The following PRKD1 variants were observed in gnomAD, a reference collection of about 807,000 sequenced individuals.
The protein encoded by PRKD1 is serine/threonine-protein kinase D1.
In PRKD1, 63 loss-of-function variants were observed where a neutral mutation model predicts 95.9. That is an observed-to-expected ratio of 0.66 (90% CI 0.54 to 0.81). PRKD1 has a LOEUF of 0.81. PRKD1 is among the 30% of genes least tolerant of loss of function. The probability of loss-of-function intolerance (pLI) is 0.00; values close to 1 mark genes in which losing one functional copy is unlikely to be tolerated. For synonymous variants in PRKD1, 425 were observed against 423.1 expected (o/e 1.00, Z -0.05); for missense variants, 1,048 against 1,165.3 (o/e 0.90, Z 1.47).
At chr14:29,641,898 CTTT>C (rs751584936) in intron 4 of PRKD1, among the ~76,000 whole-genome samples, 117 of 116,676 alleles carry the variant, frequency 1.0e-3, no homozygotes, top group African/African-American at 3.7e-3. Context: ...AAAAATATTT[CTTT>C]TTTTTTTTTT....
chr14:29,690,469 T>C (rs1465598621), intron 2 of PRKD1, among the ~76,000 whole-genome samples: 1 of 152,196 alleles, frequency 6.6e-6, no homozygotes, highest in East Asian at 1.9e-4. Context: ...TCTCCAAATA[T>C]TCAGTACCTA....
intron 1 of PRKD1, among the ~76,000 whole-genome samples, chr14:29,818,908 T>C (rs1890798584): frequency 6.6e-6 from 1 of 152,160 alleles, no homozygotes; most frequent in Non-Finnish European, 1.5e-5. Context: ...TAATAACCCA[T>C]TAGTACTTTA....
In PRKD1 at chr14:29,605,605, C is replaced by T. The variant is rs1267307258; in HGVS notation, c.1906-5788G>A. Reference sequence around the variant, plus strand: ...ATCCCCTTTCATAACACTTATCCTACCATATTTGGTTGTTGGTGAACCTAT... The same window carrying T: ...ATCCCCTTTCATAACACTTATCCTATCATATTTGGTTGTTGGTGAACCTAT... On this transcript the variant is annotated intron_variant, in intron 13 of 17. Transcript: ENST00000331968. Among the ~76,000 whole-genome samples, 3 of 152,158 alleles carry T rather than the reference C, an allele frequency of 2.0e-5. No individual in the cohort carries two copies. In the East Asian group the frequency reaches 5.8e-4, roughly 29 times the overall value.
At chr14:29,640,165 A>T (rs1880664990) in intron 4 of PRKD1, among the ~76,000 whole-genome samples, 2 of 152,314 alleles carry the variant, frequency 1.3e-5, no homozygotes, top group South Asian at 4.1e-4. Context: ...CTAAGCTCAT[A>T]AAGTTTAAAT....
At chr14:29,749,865 T>G (rs1448679308) in intron 1 of PRKD1, among the ~76,000 whole-genome samples, 2 of 152,258 alleles carry the variant, frequency 1.3e-5, no homozygotes, top group African/African-American at 4.8e-5. Context: ...ATGTGCAAGT[T>G]GCTTCAGAGA....
Position 29,599,693 on chromosome 14 carries a change from C to T in PRKD1, c.2030G>A (p.Arg677Lys), listed in dbSNP as rs747326327. 20 of 1,613,264 alleles carry T rather than the reference C, an allele frequency of 1.2e-5. No homozygotes were observed. The highest frequency in any genetic ancestry group is 1.6e-5 in the Non-Finnish European group (19 of 1,179,710). Residue 677 changes from arginine (R) to lysine (K), a missense_variant, in exon 14 of 18, where the codon AGG (arginine) becomes AAG (lysine). This residue lies in a region of PRKD1 where 739 missense variants were observed against 861.9 expected (regional missense o/e 0.86). Transcript: ENST00000331968. The stretch of plus-strand genomic sequence containing the variant: ...AAACTTCGTTATGTGCTCTGGCAAC[C>T]TGCCCTTTTCACTTGACAAGATCAT... ...LEMILSSEKG[R>K]LPEHITKFLI...
At chr14:29,584,300 T>C (rs1341644272) in intron 16 of PRKD1, among the ~76,000 whole-genome samples, 1 of 151,084 alleles carries the variant, frequency 6.6e-6, no homozygotes, top group African/African-American at 2.4e-5. Flanking sequence ...ATGCAGAAGG[T>C]AGATTTACAG....
chr14:29,757,989 T>G (rs923486268), intron 1 of PRKD1, among the ~76,000 whole-genome samples: 3 of 152,014 alleles, frequency 2.0e-5, no homozygotes, highest in African/African-American at 7.2e-5. Context: ...ACAGGAGGAA[T>G]AGCAGACATA....
Position 29,599,193 on chromosome 14 carries a change from A to G in PRKD1, c.2068-68T>C. ...TTCAAAATGTCTTCTACCAGTTAAAAGGCCAAGAAAAAAAACTGACAATGG... is the reference window on the plus strand; with the variant it reads ...TTCAAAATGTCTTCTACCAGTTAAAGGGCCAAGAAAAAAAACTGACAATGG... On this transcript the variant is annotated intron_variant, in intron 14 of 17. Transcript: ENST00000331968. The G allele has an allele frequency of 1.4e-6, 2 of 1,380,080 alleles. 1 individual carries two copies. Among genetic ancestry groups the G allele is most frequent in the Non-Finnish European group, 2.0e-6 (2 of 980,184 alleles). The allele number at this position is 1,380,080 out of a possible 1,614,324, so 85.5% of individuals were successfully genotyped here. A position where few individuals can be genotyped will look rare whatever the true frequency, so the allele number is the denominator to read the frequency against.
At chr14:29,758,230 T>C (rs760700753) in intron 1 of PRKD1, among the ~76,000 whole-genome samples, 14 of 149,332 alleles carry the variant, frequency 9.4e-5, no homozygotes, top group Non-Finnish European at 1.6e-4. Context: ...GAGTGTGCAT[T>C]GTGGAAGAAA....
At chr14:29,677,855 G>T (rs972428848) in intron 2 of PRKD1, among the ~76,000 whole-genome samples, 1 of 152,152 alleles carries the variant, frequency 6.6e-6, no homozygotes. Flanking sequence ...TTGTGCCACC[G>T]TGCCCAGCCC....
chr14:29,727,960 T>C (rs955437766), intron 1 of PRKD1, among the ~76,000 whole-genome samples: 4 of 146,800 alleles, frequency 2.7e-5, no homozygotes, highest in Non-Finnish European at 4.5e-5. Flanking sequence ...AATTGAACAA[T>C]GAGAATACAT....
chr14:29,889,706 A>C (rs562109775), intron 1 of PRKD1, among the ~76,000 whole-genome samples: 1 of 152,282 alleles, frequency 6.6e-6, no homozygotes, highest in South Asian at 2.1e-4. Context: ...ACATGAACAC[A>C]GGGAGGGGAA....
intron 2 of PRKD1, among the ~76,000 whole-genome samples, chr14:29,698,209 C>T (rs900361152): frequency 6.6e-6 from 1 of 152,104 alleles, no homozygotes; most frequent in Admixed American, 6.6e-5. Flanking sequence ...TGTTTATAAT[C>T]ACTATTATCT....
At chr14:29,706,700 TATG>T (rs1344337755) in intron 2 of PRKD1, among the ~76,000 whole-genome samples, 1 of 152,162 alleles carries the variant, frequency 6.6e-6, no homozygotes, top group Non-Finnish European at 1.5e-5. Context: ...CCAAAAATCC[TATG>T]ATATTATTGT....
At chr14:29,883,639 C>T (rs1893594192) in intron 1 of PRKD1, among the ~76,000 whole-genome samples, 1 of 152,120 alleles carries the variant, frequency 6.6e-6, no homozygotes, top group African/African-American at 2.4e-5. Flanking sequence ...GACTTGTTTA[C>T]TGATTTCTGA....
chr14:29,925,055 T>G (rs962084343), intron 1 of PRKD1, among the ~76,000 whole-genome samples: 1 of 152,102 alleles, frequency 6.6e-6, no homozygotes, highest in African/African-American at 2.4e-5. Context: ...CCCAACTTTT[T>G]TATAACCTAA....
At chr14:29,831,211 T>C (rs1379552757) in intron 1 of PRKD1, among the ~76,000 whole-genome samples, 12 of 152,148 alleles carry the variant, frequency 7.9e-5, no homozygotes, top group Admixed American at 7.9e-4. Context: ...TGTCCCCATT[T>C]TACAGATGAG....
At chr14:29,585,983 T>C (rs1032339189) in intron 16 of PRKD1, among the ~76,000 whole-genome samples, 1 of 152,184 alleles carries the variant, frequency 6.6e-6, no homozygotes, top group African/African-American at 2.4e-5. Flanking sequence ...ATATGAAAAA[T>C]AGTTAAGAGA....
Sources: allele counts gnomAD v4.1 joint callset (sites outside exome capture counted in the v4.1 genomes callset), GRCh38; gene constraint gnomAD v4.1.1; regional missense constraint gnomAD v4.1.1; transcripts MANE v1.5; gene names NCBI Gene and HGNC (gene_info 2026-07-23, HGNC 2026-07-21).